Variants in CUL4B observed in about 807,000 individuals in gnomAD.
CUL4B encodes cullin-4B.
In CUL4B, 1 loss-of-function variant was observed where a neutral mutation model predicts 69.2. That is an observed-to-expected ratio of 0.01 (90% confidence interval 0.01 to 0.07). The LOEUF is 0.07. CUL4B is among the 10% of genes least tolerant of loss of function. CUL4B has a pLI of 1.00. For missense variants in CUL4B, 328 were observed against 638.8 expected (o/e 0.51, Z 5.24); for synonymous variants, 237 against 223.2 (o/e 1.06, Z -0.55).
rs201566181 is a variant in CUL4B, at chrX:120,546,601, G to A, written c.792C>T (p.Ser264=). 76 of 1,187,355 alleles carry A rather than the reference G, an allele frequency of 6.4e-5. No homozygotes were observed. In the African/African-American group the frequency reaches 1.1e-3, roughly 18 times the overall value. The change falls in exon 4 of 20, where the codon AGC becomes AGT. Residue 264 remains serine, a synonymous_variant. Transcript: ENST00000371322. ...IHQFREDSLD[S]VLFLKKIDRC... The stretch of plus-strand genomic sequence containing the variant: ...TATCAATCTTCTTTAAAAAAAGAAC[G>A]CTATCCAATGAATCCCTGAAACATA...
intron 3 of CUL4B, 43 bp downstream of exon 3, chrX:120,547,093 G>C: frequency 1.1e-6 from 1 of 919,580 alleles, no homozygotes; most frequent in African/African-American, 2.0e-5. Flanking sequence ...GGGACAGAGA[G>C]GAAGACAAAA....
chrX:120,542,529 A>T (rs1924058260), intron 9 of CUL4B, among the ~76,000 whole-genome samples: 1 of 111,648 alleles, frequency 9.0e-6, no homozygotes, highest in Non-Finnish European at 1.9e-5. Flanking sequence ...ACAACAAAAA[A>T]CCCTCACCGC....
At chrX:120,562,242 T>C (rs895457360), upstream of CUL4B, among the ~76,000 whole-genome samples, 2 of 112,346 alleles carry the variant, frequency 1.8e-5, no homozygotes, top group African/African-American at 6.5e-5. Context: ...TCGGCAAAAG[T>C]CAGTGTTTTC....
upstream of CUL4B, chrX:120,561,383 G>A (rs1367788718): frequency 7.1e-6 from 4 of 562,855 alleles, no homozygotes; most frequent in Non-Finnish European, 1.3e-5. Flanking sequence ...GGAAGTGACT[G>A]GGCAGACACT....
chrX:120,533,918 T>C (rs956305618), intron 17 of CUL4B, among the ~76,000 whole-genome samples: 2 of 109,999 alleles, frequency 1.8e-5, no homozygotes, highest in African/African-American at 6.6e-5. Flanking sequence ...ATACAAACAT[T>C]AGCCAGGTGT....
At chrX:120,528,361 C>T (rs942595993) in intron 19 of CUL4B, among the ~76,000 whole-genome samples, 4 of 105,920 alleles carry the variant, frequency 3.8e-5, no homozygotes, top group Admixed American at 1.0e-4. Context: ...GAAACGTGAT[C>T]GCGCCACTGC....
intron 16 of CUL4B, 48 bp from the exon 17 acceptor site, chrX:120,534,634 T>C: frequency 8.3e-6 from 7 of 843,762 alleles, no homozygotes; most frequent in Non-Finnish European, 1.2e-5. Context: ...TAAAAACACA[T>C]GAAAAATTAA....
chrX:120,566,385 ATATATG>A (rs1314559658), upstream of CUL4B, among the ~76,000 whole-genome samples: 16 of 69,386 alleles, frequency 2.3e-4, no homozygotes, highest in Non-Finnish European at 4.2e-4. Flanking sequence ...ATATATATAT[ATATATG>A]TATATATATT....
rs772216697 is a variant in CUL4B at position 120,574,634 on chromosome X, CG to C, written c.-13-5del. ...TGACATCATCCGTCCTTTGGGTCTA[CG>C]ATAGAAAACAGAGAATTCACTTTTC... On this transcript the variant is annotated splice_polypyrimidine_tract_variant and splice_region_variant and intron_variant, in intron 1 of 2. Coordinates refer to the CUL4B transcript ENST00000486604. 7 of 1,163,100 alleles carry C rather than the reference CG, an allele frequency of 6.0e-6. No homozygotes were observed. In the South Asian group the frequency reaches 1.1e-4, roughly 18 times the overall value.
At chrX:120,543,105 G>A in intron 8 of CUL4B, 72 bp from the exon 9 acceptor site, 1 of 658,336 alleles carries the variant, frequency 1.5e-6, no homozygotes, top group South Asian at 2.5e-5. Context: ...TCTCCTGAGG[G>A]GGGAAAAAAA....
chrX:120,544,280 G>T, intron 6 of CUL4B, 77 bp from the exon 7 acceptor site: 3 of 846,903 alleles, frequency 3.5e-6, no homozygotes, highest in Non-Finnish European at 5.2e-6. Context: ...TATGTAAACA[G>T]CATTATGAAT....
At chrX:120,557,686 C>T (rs1294090016) in intron 2 of CUL4B, among the ~76,000 whole-genome samples, 1 of 111,425 alleles carries the variant, frequency 9.0e-6, no homozygotes, top group African/African-American at 3.3e-5. Flanking sequence ...CCAAGGTACA[C>T]GTAACTGTAA....
In CUL4B at chrX:120,560,378, A is replaced by C. The variant is rs1569396499; in HGVS notation, c.261T>G (p.Val87=). 6 of 1,207,415 alleles carry C rather than the reference A, an allele frequency of 5.0e-6. No homozygotes were observed. Among genetic ancestry groups the C allele is most frequent in the Non-Finnish European group, 6.7e-6 (6 of 892,847 alleles). ...SPSTSSFCLG[V]SVAASSHVPI... is the part of the protein sequence containing the mutation. ...GTACGTGGCTGGAAGCAGCCACTGA[A>C]ACCCCCAGGCAGAAGGACGAGGTTG... The change falls in exon 1 of 20, where the codon GTT becomes GTG. Residue 87 remains valine (V), a synonymous_variant. Transcript: ENST00000371322.
At position 120,526,731 on chromosome X, in the gene CUL4B, T is replaced by C. The variant is rs1922989088; in HGVS notation, c.*30A>G. 1 of 997,911 alleles carries C rather than the reference T, an allele frequency of 1.0e-6. No homozygotes were observed. The highest frequency in any genetic ancestry group is 1.4e-6 in the Non-Finnish European group (1 of 706,255). The allele number at this position is 997,911 out of a possible 1,213,427, so 82.2% of individuals were successfully genotyped here. ...GTTAGTTTATCCACTGGCTACTGCATATGACACCAAATGCTGCAAGGCCAA... is the reference window on the plus strand; with the variant it reads ...GTTAGTTTATCCACTGGCTACTGCACATGACACCAAATGCTGCAAGGCCAA... On this transcript the variant is annotated 3_prime_UTR_variant, in exon 20 of 20. Transcript: ENST00000371322.
Position 120,540,478 on chromosome X carries a change from G to A in CUL4B, c.1528C>T (p.His510Tyr). The change falls in exon 11 of 20, where the codon CAT becomes TAT. Residue 510 changes from histidine to tyrosine, a missense_variant. His to Tyr is a moderately conservative substitution (Grantham distance 83, BLOSUM62 2). Transcript: ENST00000371322. ...ELLDFKDKVDHIIDICFLKNE... is the reference protein window; with the variant it reads ...ELLDFKDKVDYIIDICFLKNE... Reference sequence around the variant, plus strand: ...TTCAGAAAGCAGATATCAATTATATGGTCAACCTTATCTTTAAAATCCAGC... The same window carrying A: ...TTCAGAAAGCAGATATCAATTATATAGTCAACCTTATCTTTAAAATCCAGC... 1 of 1,199,352 alleles carries A rather than the reference G, an allele frequency of 8.3e-7. No homozygotes were observed. Among genetic ancestry groups the A allele is most frequent in the Non-Finnish European group, 1.1e-6 (1 of 885,090 alleles).
chrX:120,574,204 C>T (rs1402092396), intron 2 of CUL4B, among the ~76,000 whole-genome samples: 1 of 105,785 alleles, frequency 9.5e-6, no homozygotes, highest in Non-Finnish European at 1.9e-5. Flanking sequence ...GCTTCCTAGA[C>T]ATGTTGTTAA....
chrX:120,566,310 G>A (rs1259628762), upstream of CUL4B, among the ~76,000 whole-genome samples: 5 of 85,167 alleles, frequency 5.9e-5, no homozygotes, highest in African/African-American at 2.2e-4. Context: ...AATGTAAATA[G>A]ATAACAGATT....
At chrX:120,561,150 AG>A (rs1925278902), upstream of CUL4B, 1 of 939,671 alleles carries the variant, frequency 1.1e-6, no homozygotes, top group Non-Finnish European at 1.4e-6. Context: ...AGTGGGGGTG[AG>A]GGAAGCGCTG....
At chrX:120,548,586 C>T (rs1209573196) in intron 2 of CUL4B, among the ~76,000 whole-genome samples, 1 of 111,328 alleles carries the variant, frequency 9.0e-6, no homozygotes, top group Non-Finnish European at 1.9e-5. Context: ...GTAATCCCAG[C>T]GGTTTAGGAG....
Sources: allele counts gnomAD v4.1 joint callset (sites outside exome capture counted in the v4.1 genomes callset), GRCh38; gene constraint gnomAD v4.1.1; transcripts MANE v1.5; gene names NCBI Gene and HGNC (gene_info 2026-07-23, HGNC 2026-07-21).